NAB1: variants seen among roughly 807,000 people sequenced by gnomAD.
NAB1 encodes the protein NGFI-A binding protein 1.
Under a neutral mutation model 49.9 loss-of-function variants are expected in NAB1, and 25 were observed. The observed-to-expected ratio is 0.50, with a 90% CI of 0.37 to 0.70. NAB1 has a LOEUF of 0.70. NAB1 is among the 30% of genes least tolerant of loss of function. The pLI is 0.00. For synonymous variants in NAB1, 198 were observed against 215.6 expected (o/e 0.92, Z 0.71); for missense variants, 489 against 575.9 (o/e 0.85, Z 1.54).
At chr2:190,671,663 T>A (rs1311472027) in intron 5 of NAB1, among the ~76,000 whole-genome samples, 1 of 151,878 alleles carries the variant, frequency 6.6e-6, no homozygotes, top group East Asian at 1.9e-4. Flanking sequence ...ACAATGAAAC[T>A]CAACGGTTCC....
At chr2:190,668,291 A>C (rs1275577997) in intron 4 of NAB1, among the ~76,000 whole-genome samples, 1 of 152,198 alleles carries the variant, frequency 6.6e-6, no homozygotes, top group Non-Finnish European at 1.5e-5. Context: ...GTGCAAAGGT[A>C]CACATTTAAG....
chr2:190,658,029 G>A (rs1694018610), intron 3 of NAB1, among the ~76,000 whole-genome samples: 1 of 152,172 alleles, frequency 6.6e-6, no homozygotes, highest in Admixed American at 6.5e-5. Context: ...CTTTGTATGT[G>A]GGAGGTCTCC....
At chr2:190,662,761 A>C (rs1396521079) in intron 4 of NAB1, among the ~76,000 whole-genome samples, 2 of 152,216 alleles carry the variant, frequency 1.3e-5, no homozygotes, top group African/African-American at 4.8e-5. Flanking sequence ...GGCATTACAG[A>C]ATATTTGTCA....
In NAB1 at chr2:190,670,317, G is replaced by C; in HGVS notation, c.820-9G>C. 1 of 1,591,846 alleles carries C rather than the reference G, an allele frequency of 6.3e-7. No individual in the cohort carries two copies. Among genetic ancestry groups the C allele is most frequent in the Non-Finnish European group, 8.5e-7 (1 of 1,173,012 alleles). ...TTCTTAATTTTGAAACTCTGTTTTGGATATCCAGCTCACTGTTAATGAAGC... is the reference window on the plus strand; with the variant it reads ...TTCTTAATTTTGAAACTCTGTTTTGCATATCCAGCTCACTGTTAATGAAGC... On this transcript the variant is annotated splice_polypyrimidine_tract_variant and intron_variant, in intron 4 of 9. Transcript: ENST00000337386. This position sits in a 1 kb window ranked among gnomAD's most constrained non-coding sequence, Gnocchi z 5.3.
In NAB1 at chr2:190,692,632, C is replaced by T. The variant is rs1378336803; in HGVS notation, c.*2299C>T. 1 of 152,556 alleles carries T rather than the reference C, an allele frequency of 6.6e-6. No individual in the cohort carries two copies. Among genetic ancestry groups the T allele is most frequent in the East Asian group, 1.9e-4 (1 of 5,196 alleles). The allele number at this position is 152,556 out of a possible 1,614,324, so 9.5% of individuals were successfully genotyped here. On this transcript the variant is annotated 3_prime_UTR_variant, in exon 10 of 10. Transcript: ENST00000337386. This position sits in a 1 kb window ranked among gnomAD's most constrained non-coding sequence, Gnocchi z 5.2. ...ACCTCAGTATTACAGCCAATATAGT[C>T]CAAGGGACCATTTCTCCCCGAGTCT...
At chr2:190,688,918 C>T (rs1333590380) in intron 9 of NAB1, among the ~76,000 whole-genome samples, 1 of 151,800 alleles carries the variant, frequency 6.6e-6, no homozygotes, top group East Asian at 1.9e-4. Flanking sequence ...CGGCTCACTC[C>T]AGCTCCTCCT....
In NAB1 at chr2:190,657,892, C is replaced by T. The variant is rs1694011191; in HGVS notation, c.-19-1266C>T. Among the ~76,000 whole-genome samples, 1 of 152,204 alleles carries T rather than the reference C, an allele frequency of 6.6e-6. No homozygotes were observed. Among genetic ancestry groups the T allele is most frequent in the African/African-American group, 2.4e-5 (1 of 41,444 alleles). On this transcript the variant is annotated intron_variant, in intron 3 of 9. Coordinates refer to ENST00000337386, the MANE Select transcript of NAB1 (RefSeq NM_005966.4). This position sits in a 1 kb window ranked among gnomAD's most constrained non-coding sequence, Gnocchi z 4.4. ...GTGGGTCTTCCATTTTTCTCTGATG[C>T]ACATATTCTTTTAGCCTTCTGTTAT...
intron 2 of NAB1, chr2:190,653,706 T>C (rs1693782599): frequency 6.6e-6 from 1 of 152,214 alleles, no homozygotes; most frequent in Non-Finnish European, 1.5e-5. Flanking sequence ...GATGATAACT[T>C]ACACCGTGTT....
At position 190,682,896 on chromosome 2, in the gene NAB1, C is replaced by T. The variant is rs1695418536; in HGVS notation, c.1006-842C>T. Among the ~76,000 whole-genome samples, 1 of 152,100 alleles carries T rather than the reference C, an allele frequency of 6.6e-6. No individual in the cohort carries two copies. Among genetic ancestry groups the T allele is most frequent in the Non-Finnish European group, 1.5e-5 (1 of 68,028 alleles). Reference sequence around the variant, plus strand: ...AGGTTTAGCGAAAGTACATAAGGCACAAAAATATCATCTCTGCAGTAATTC... The same window carrying T: ...AGGTTTAGCGAAAGTACATAAGGCATAAAAATATCATCTCTGCAGTAATTC... On this transcript the variant is annotated intron_variant, in intron 6 of 9. Transcript: ENST00000337386. The surrounding 1 kb of genome is among the most constrained non-coding windows in gnomAD (Gnocchi z 4.1).
intron 4 of NAB1, among the ~76,000 whole-genome samples, chr2:190,660,228 G>A (rs1466572975): frequency 1.4e-5 from 2 of 144,390 alleles, no homozygotes; most frequent in Non-Finnish European, 3.1e-5. Flanking sequence ...ACAGTACGAG[G>A]TGACTTTTAG....
Position 190,686,260 on chromosome 2 carries a change from C to T in NAB1, c.1258+622C>T, listed in dbSNP as rs1034047065. ...ACTCTCCTAGGCACTGAAGATGCAG[C>T]AGGGAACAAATCCCTGTTTACCTGG... On this transcript the variant is annotated intron_variant, in intron 8 of 9. Transcript: ENST00000337386. This position sits in a 1 kb window ranked among gnomAD's most constrained non-coding sequence, Gnocchi z 5.5. Among the ~76,000 whole-genome samples the T allele has an allele frequency of 3.3e-5, 5 of 152,102 alleles. No homozygotes were observed. The highest frequency in any genetic ancestry group is 1.2e-4 in the African/African-American group (5 of 41,410).
At chr2:190,656,194 A>C (rs1018054851) in intron 3 of NAB1, 41 bp downstream of exon 3, 1 of 152,250 alleles carries the variant, frequency 6.6e-6, no homozygotes, top group Non-Finnish European at 1.5e-5. Flanking sequence ...CAATACTCTA[A>C]GCTACCTGTA....
rs1695522969 is a variant in NAB1, at chr2:190,684,801, A to C, written c.1096-675A>C. ...ACATATAAGTAATTTAGAGCAGTGC[A>C]TTGAAAAGGAACTTATAAAACACAT... is the stretch of plus-strand genomic sequence containing the variant. On this transcript the variant is annotated intron_variant, in intron 7 of 9. Transcript: ENST00000337386. The surrounding 1 kb of genome is among the most constrained non-coding windows in gnomAD (Gnocchi z 4.6). Among the ~76,000 whole-genome samples the C allele has an allele frequency of 6.6e-6, 1 of 152,238 alleles. No homozygotes were observed. The highest frequency in any genetic ancestry group is 2.4e-5 in the African/African-American group (1 of 41,464).
In NAB1 at chr2:190,651,102, CTG is replaced by C. The variant is rs1274906387; in HGVS notation, c.-197+1122_-197+1123del. 6.6e-6 allele frequency among the ~76,000 whole-genome samples: 1 copy of C among 152,092 alleles called. No individual in the cohort carries two copies. Among genetic ancestry groups the C allele is most frequent in the African/African-American group, 2.4e-5 (1 of 41,386 alleles). ...ATGTAATAATGACAACATTGAGGAA[CTG>C]TAGATTTTTATTTTATTCTGCCTGC... On this transcript the variant is annotated intron_variant, in intron 2 of 9. Coordinates refer to ENST00000337386, the MANE Select transcript of NAB1 (RefSeq NM_005966.4). This position sits in a 1 kb window ranked among gnomAD's most constrained non-coding sequence, Gnocchi z 4.3.
rs1167297513 is a variant in NAB1 at position 190,660,340 on chromosome 2, TA to T, written c.819+351del. On this transcript the variant is annotated intron_variant, in intron 4 of 9. Transcript: ENST00000337386. ...AAAACTAGGTTTTAAATATAACTTTTAAAAAACATTTTTGTAGGCTTTTTTT... is the reference window on the plus strand; with the variant it reads ...AAAACTAGGTTTTAAATATAACTTTTAAAAACATTTTTGTAGGCTTTTTTT... Among the ~76,000 whole-genome samples, 6 of 152,338 alleles carry T rather than the reference TA, an allele frequency of 3.9e-5. No individual in the cohort carries two copies. The East Asian group carries it at 7.7e-4, about 20-fold the overall frequency.
In NAB1 at chr2:190,659,778, A is replaced by T; in HGVS notation, c.602A>T (p.Glu201Val). The change falls in exon 4 of 10, where the codon GAG becomes GTG. Residue 201 changes from glutamate (E) to valine (V), a missense_variant. By Grantham distance (121) the Glu-to-Val change is moderately radical. Coordinates refer to ENST00000337386, the MANE Select transcript of NAB1 (RefSeq NM_005966.4). This position sits in a 1 kb window ranked among gnomAD's most constrained non-coding sequence, Gnocchi z 6.2. ...GCTGCTGCTGCGCTCTCTGTGGCTG[A>T]GTGTGTGGAGCGGATGGCCCCCACA... ...LDAAAALSVA[E>V]CVERMAPTLP... The T allele has an allele frequency of 6.2e-7, 1 of 1,613,820 alleles. No homozygotes were observed. The highest frequency in any genetic ancestry group is 8.5e-7 in the Non-Finnish European group (1 of 1,179,954).
At position 190,651,101 on chromosome 2, in the gene NAB1, A is replaced by G. The variant is rs1038737085; in HGVS notation, c.-197+1119A>G. Reference sequence around the variant, plus strand: ...AATGTAATAATGACAACATTGAGGAACTGTAGATTTTTATTTTATTCTGCC... The same window carrying G: ...AATGTAATAATGACAACATTGAGGAGCTGTAGATTTTTATTTTATTCTGCC... On this transcript the variant is annotated intron_variant, in intron 2 of 9. Transcript: ENST00000337386. The surrounding 1 kb of genome is among the most constrained non-coding windows in gnomAD (Gnocchi z 4.3). Among the ~76,000 whole-genome samples, 2 of 152,222 alleles carry G rather than the reference A, an allele frequency of 1.3e-5. No individual in the cohort carries two copies. The highest frequency in any genetic ancestry group is 2.9e-5 in the Non-Finnish European group (2 of 68,038).
chr2:190,690,124 C>T (rs1695882837), intron 9 of NAB1, 121 bp from the exon 10 acceptor site: 1 of 708,264 alleles, frequency 1.4e-6, no homozygotes, highest in African/African-American at 2.1e-5. Context: ...CATGGAATTA[C>T]AGAATCATGA....
rs1190162637 is a variant in NAB1 at position 190,685,695 on chromosome 2, A to T, written c.1258+57A>T. ...GCCACTATGTGCACTTCAAAGAGAA[A>T]CAGAAGACAGTGGCTGATTTTTAAA... On this transcript the variant is annotated intron_variant, in intron 8 of 9. Transcript: ENST00000337386. This position sits in a 1 kb window ranked among gnomAD's most constrained non-coding sequence, Gnocchi z 4.5. The T allele has an allele frequency of 7.8e-7, 1 of 1,286,026 alleles. No homozygotes were observed. Among genetic ancestry groups the T allele is most frequent in the Non-Finnish European group, 1.0e-6 (1 of 983,258 alleles). The allele number at this position is 1,286,026 out of a possible 1,614,324, so 79.7% of individuals were successfully genotyped here. A position where few individuals can be genotyped will look rare whatever the true frequency, so the allele number is the denominator to read the frequency against.
Sources: gnomAD v4.1 joint callset for allele counts (sites outside exome capture counted in the v4.1 genomes callset) on GRCh38, gnomAD v4.1.1 for gene constraint, Gnocchi (gnomAD v3.1) non-coding constraint, MANE v1.5 for transcripts, NCBI Gene and HGNC (gene_info 2026-07-23, HGNC 2026-07-21) for gene names.